WWTR1: variants seen among roughly 807,000 people sequenced by gnomAD.
WWTR1 encodes the protein WW domain-containing transcription regulator protein 1.
In WWTR1, 13 loss-of-function variants were observed where a neutral mutation model predicts 40.1. The observed-to-expected ratio is 0.32, with a 90% CI of 0.21 to 0.52. The LOEUF (loss-of-function observed/expected upper bound fraction) is 0.52, where lower values mean the gene tolerates loss of function less well. Ranked by LOEUF, WWTR1 falls within the 20% of genes least tolerant of loss-of-function variation. WWTR1 has a pLI of 0.97. For synonymous variants in WWTR1, 230 were observed against 210.1 expected, an observed-to-expected ratio of 1.09 and a Z score of -0.82; for missense variants, 436 against 523.1, an observed-to-expected ratio of 0.83 and a Z score of 1.63.
chr3:149,588,609 T>A (rs1352040998), intron 2 of WWTR1, among the ~76,000 whole-genome samples: 2 of 152,220 alleles, frequency 1.3e-5, no homozygotes, highest in Non-Finnish European at 2.9e-5. Context: ...AATCCCGTTT[T>A]GGTAAATAGA....
At chr3:149,643,834 C>A (rs1273756068) in intron 2 of WWTR1, among the ~76,000 whole-genome samples, 1 of 152,116 alleles carries the variant, frequency 6.6e-6, no homozygotes, top group Non-Finnish European at 1.5e-5. Context: ...CAGAGCTAAC[C>A]ATTCTTTCTT....
At chr3:149,567,522 T>C (rs1419038186) in intron 3 of WWTR1, among the ~76,000 whole-genome samples, 2 of 152,166 alleles carry the variant, frequency 1.3e-5, no homozygotes, top group Non-Finnish European at 2.9e-5. Flanking sequence ...CCCAAACAAA[T>C]ATAAGTTGCA....
intron 2 of WWTR1, among the ~76,000 whole-genome samples, chr3:149,592,230 A>C (rs916141060): frequency 2.0e-4 from 31 of 152,252 alleles, no homozygotes; most frequent in African/African-American, 7.2e-4. Flanking sequence ...GTTTTCAATT[A>C]GCTTAATCCC....
intron 5 of WWTR1, among the ~76,000 whole-genome samples, chr3:149,709,752 A>G (rs1374826336): frequency 6.6e-6 from 1 of 152,096 alleles, no homozygotes; most frequent in Admixed American, 6.6e-5. Context: ...TAAAAATACA[A>G]AATTAGCCGG....
rs1736861010 is a variant in WWTR1 at position 149,557,061 on chromosome 3, C to CTTCT, written c.569-14525_569-14524insAGAA. Among the ~76,000 whole-genome samples the CTTCT allele has an allele frequency of 9.3e-5, 6 of 64,372 alleles. No individual in the cohort carries two copies. The South Asian group carries it at 4.8e-3, about 51-fold the overall frequency. The allele number at this position is 64,372 out of a possible 152,430, so 42.2% of individuals were successfully genotyped here. On this transcript the variant is annotated intron_variant, in intron 3 of 6. Transcript: ENST00000360632. ...TCCTAGTGTTCCCTACTGGAATCTT[C>CTTCT]TTTTTTTTTTTTTTTTTTTTTTTTT...
intron 2 of WWTR1, among the ~76,000 whole-genome samples, chr3:149,665,938 A>G (rs1020492953): frequency 5.3e-5 from 8 of 152,248 alleles, no homozygotes; most frequent in Middle Eastern, 6.8e-3. Context: ...GGTGGGGGGA[A>G]TTTCAAGGTG....
chr3:149,716,028 C>T (rs912642467), intron 5 of WWTR1, among the ~76,000 whole-genome samples: 3 of 152,048 alleles, frequency 2.0e-5, no homozygotes, highest in African/African-American at 7.2e-5. Flanking sequence ...AAACATTGAA[C>T]ATGAATTCTC....
intron 2 of WWTR1, among the ~76,000 whole-genome samples, chr3:149,630,377 C>T (rs1223628833): frequency 6.6e-6 from 1 of 152,022 alleles, no homozygotes; most frequent in African/African-American, 2.4e-5. Flanking sequence ...GGTTTTCTAC[C>T]AAGGATAAAA....
chr3:149,635,118 A>G (rs1007130154), intron 2 of WWTR1, among the ~76,000 whole-genome samples: 5 of 152,198 alleles, frequency 3.3e-5, no homozygotes, highest in African/African-American at 1.2e-4. Flanking sequence ...GGTTGTGACA[A>G]TGTTCCTCTT....
intron 3 of WWTR1, among the ~76,000 whole-genome samples, chr3:149,544,388 C>T (rs1347370126): frequency 6.6e-6 from 1 of 152,130 alleles, no homozygotes; most frequent in East Asian, 1.9e-4. Flanking sequence ...TATTGCAATT[C>T]CTGCTGCGTG....
At chr3:149,574,205 T>A (rs9842421) in intron 2 of WWTR1, among the ~76,000 whole-genome samples, 10,746 of 151,952 alleles carry the variant, frequency 0.071, 492 homozygotes, top group East Asian at 0.21. Flanking sequence ...TCATTTTTTT[T>A]AAAAAATTTT....
chr3:149,661,144 T>C (rs1302635725), upstream of WWTR1: 3 of 152,234 alleles, frequency 2.0e-5, no homozygotes, highest in East Asian at 3.9e-4. Context: ...AGTTACCCTG[T>C]TGGATAAACC....
intron 2 of WWTR1, among the ~76,000 whole-genome samples, chr3:149,641,597 T>C (rs1372539451): frequency 6.6e-6 from 1 of 152,234 alleles, no homozygotes; most frequent in African/African-American, 2.4e-5. Context: ...GGCTAATAAT[T>C]ACAAAAGGTT....
chr3:149,555,283 G>A (rs1248505657), intron 3 of WWTR1, among the ~76,000 whole-genome samples: 1 of 152,138 alleles, frequency 6.6e-6, no homozygotes, highest in Admixed American at 6.6e-5. Context: ...TCATGTAACA[G>A]ATACTAAGAT....
At chr3:149,692,236 T>C (rs762625837) in intron 1 of WWTR1, among the ~76,000 whole-genome samples, 2 of 151,550 alleles carry the variant, frequency 1.3e-5, no homozygotes, top group Non-Finnish European at 2.9e-5. Context: ...CTGATGAACA[T>C]TGATGCAAAA....
At chr3:149,524,502 C>T (rs1351997406) in intron 6 of WWTR1, among the ~76,000 whole-genome samples, 1 of 151,888 alleles carries the variant, frequency 6.6e-6, no homozygotes, top group Non-Finnish European at 1.5e-5. Context: ...CAAAATAAAT[C>T]TCACACTCAA....
intron 1 of WWTR1, among the ~76,000 whole-genome samples, chr3:149,699,972 G>A (rs960411421): frequency 1.3e-5 from 2 of 151,664 alleles, no homozygotes; most frequent in African/African-American, 4.9e-5. Flanking sequence ...TACTATAAAG[G>A]TATACCAGAG....
chr3:149,572,309 A>T (rs551804298), intron 3 of WWTR1, among the ~76,000 whole-genome samples: 1 of 152,156 alleles, frequency 6.6e-6, no homozygotes, highest in Non-Finnish European at 1.5e-5. Context: ...AAAGGAAAAA[A>T]GGGAAATAAG....
chr3:149,624,709 C>CT (rs1241048845), intron 2 of WWTR1, among the ~76,000 whole-genome samples: 6 of 150,548 alleles, frequency 4.0e-5, no homozygotes, highest in East Asian at 3.9e-4. Context: ...CATTTTTAAC[C>CT]TTTTTTTTTA....
Sources: gnomAD v4.1 joint callset for allele counts (sites outside exome capture counted in the v4.1 genomes callset) on GRCh38, gnomAD v4.1.1 for gene constraint, MANE v1.5 for transcripts, NCBI Gene and HGNC (gene_info 2026-07-23, HGNC 2026-07-21) for gene names.